Variants in F2RL2 observed in about 807,000 individuals in gnomAD.
The protein encoded by F2RL2 is proteinase-activated receptor 3.
F2RL2 carries 4 observed loss-of-function variants against 4.3 expected under a neutral mutation model. That is an observed-to-expected ratio of 0.93 (90% CI 0.46 to 2.12). F2RL2 has a LOEUF of 2.12. Ranked by LOEUF, F2RL2 falls within the 30% of genes most tolerant of loss-of-function variation. The probability of loss-of-function intolerance (pLI) is 0.02; values close to 1 mark genes in which losing one functional copy is unlikely to be tolerated. For missense variants in F2RL2, 408 were observed against 449.3 expected (o/e 0.91, Z 0.83); for synonymous variants, 166 against 170.9 (o/e 0.97, Z 0.22).
At position 76,617,252 on chromosome 5, in the gene F2RL2, C is replaced by A. The variant is rs968600230; in HGVS notation, c.*330G>T. 16 of 200,000 alleles carry A rather than the reference C, an allele frequency of 8.0e-5. No homozygotes were observed. Among genetic ancestry groups the A allele is most frequent in the African/African-American group, 3.3e-4 (14 of 43,050 alleles). The allele number at this position is 200,000 out of a possible 1,614,324, so 12.4% of individuals were successfully genotyped here. A position where few individuals can be genotyped will look rare whatever the true frequency, so the allele number is the denominator to read the frequency against. Reference sequence around the variant, plus strand: ...TTGAGGTCAGGAGTTCAAGACCAGCCTGGTCAACATGGTGAAACCCCGTCT... The same window carrying A: ...TTGAGGTCAGGAGTTCAAGACCAGCATGGTCAACATGGTGAAACCCCGTCT... On this transcript the variant is annotated 3_prime_UTR_variant, in exon 2 of 2. Coordinates refer to ENST00000296641, the MANE Select transcript of F2RL2 (RefSeq NM_004101.4).
chr5:76,620,434 G>C (rs184319978), intron 1 of F2RL2, among the ~76,000 whole-genome samples: 126 of 152,296 alleles, frequency 8.3e-4, no homozygotes, highest in African/African-American at 3.0e-3. Flanking sequence ...TTCTACTCTA[G>C]ATGACTTGGA....
chr5:76,622,317 T>C (rs1749778218), intron 1 of F2RL2, among the ~76,000 whole-genome samples: 1 of 152,222 alleles, frequency 6.6e-6, no homozygotes, highest in Admixed American at 6.5e-5. Flanking sequence ...AAATCCCACA[T>C]GTGCTTACTG....
chr5:76,618,072 A>G lies in F2RL2; in HGVS notation c.635T>C (p.Val212Ala), dbSNP rs1283049815. ...RGLPKHTYAL[V>A]TCGLVWATVF... ...TGTTGCCCACACCAGTCCACATGTT[A>G]CCAAGGCATAGGTGTGCTTGGGCAG... The change falls in exon 2 of 2, where the codon GTA becomes GCA. Residue 212 changes from valine to alanine, a missense_variant. Val to Ala is a moderately conservative substitution (Grantham distance 64, BLOSUM62 0). Coordinates refer to ENST00000296641, the MANE Select transcript of F2RL2 (RefSeq NM_004101.4). 2.5e-6 allele frequency: 4 copies of G among 1,614,038 alleles called. No homozygotes were observed. The African/African-American group carries it at 4.0e-5, about 16-fold the overall frequency.
chr5:76,618,628 T>C lies in F2RL2; in HGVS notation c.79A>G (p.Thr27Ala). 1 of 1,611,222 alleles carries C rather than the reference T, an allele frequency of 6.2e-7. No individual in the cohort carries two copies. The highest frequency in any genetic ancestry group is 1.7e-4 in the Middle Eastern group (1 of 6,054). Residue 27 changes from threonine (T) to alanine (A), a missense_variant, in exon 2 of 2, where the codon ACA becomes GCA. By Grantham distance (58) the Thr-to-Ala change is moderately conservative. Transcript: ENST00000296641. Reference sequence around the variant, plus strand: ...AAGGTTGGCTTTGCCAAGTTGTTTGTATCATTTTCCATGCCTGTAATTGAA... The same window carrying C: ...AAGGTTGGCTTTGCCAAGTTGTTTGCATCATTTTCCATGCCTGTAATTGAA... ...TFCQSGMEND[T>A]NNLAKPTLPI...
rs899350679 is a variant in F2RL2, at chr5:76,615,600, C to T, written c.*1982G>A. On this transcript the variant is annotated 3_prime_UTR_variant, in exon 2 of 2. Coordinates refer to ENST00000296641, the MANE Select transcript of F2RL2 (RefSeq NM_004101.4). ...CTTTTATGCTTAAAGTTTCCTCAGC[C>T]CCATTTATATTCACTACTATCATTC... 27 of 152,076 alleles carry T rather than the reference C, an allele frequency of 1.8e-4. No individual in the cohort carries two copies. Among genetic ancestry groups the T allele is most frequent in the Admixed American group, 1.5e-3 (23 of 15,274 alleles). 9.4% of individuals were successfully genotyped at this position (152,076 alleles called of 1,614,324 possible). A position where few individuals can be genotyped will look rare whatever the true frequency, so the allele number is the denominator to read the frequency against.
Position 76,617,061 on chromosome 5 carries a change from A to G in F2RL2, c.*521T>C, listed in dbSNP as rs897644207. 3.9e-5 allele frequency: 6 copies of G among 153,452 alleles called. No individual in the cohort carries two copies. Among genetic ancestry groups the G allele is most frequent in the South Asian group, 2.0e-4 (1 of 4,882 alleles). The allele number at this position is 153,452 out of a possible 1,614,324, so 9.5% of individuals were successfully genotyped here. A position where few individuals can be genotyped will look rare whatever the true frequency, so the allele number is the denominator to read the frequency against. ...GTGATTTAAAGAGCTTGAAGTAGCA[A>G]TAAGGCAAATGGAAATGTCATTTTC... On this transcript the variant is annotated 3_prime_UTR_variant, in exon 2 of 2. Coordinates refer to ENST00000296641, the MANE Select transcript of F2RL2 (RefSeq NM_004101.4).
In F2RL2 at chr5:76,616,975, G is replaced by A. The variant is rs1226851787; in HGVS notation, c.*607C>T. 2.6e-5 allele frequency: 4 copies of A among 152,360 alleles called. No individual in the cohort carries two copies. Among genetic ancestry groups the A allele is most frequent in the Non-Finnish European group, 4.4e-5 (3 of 68,226 alleles). 9.4% of individuals were successfully genotyped at this position (152,360 alleles called of 1,614,324 possible). On this transcript the variant is annotated 3_prime_UTR_variant, in exon 2 of 2. Coordinates refer to ENST00000296641, the MANE Select transcript of F2RL2 (RefSeq NM_004101.4). ...AGCATGAGAGTCAAAAGAGACCAAA[G>A]AATAAAAAATGATGTCAAATGTCAA... is the stretch of plus-strand genomic sequence containing the variant.
At chr5:76,622,511 TACAG>T (rs1749798381) in intron 1 of F2RL2, among the ~76,000 whole-genome samples, 1 of 152,198 alleles carries the variant, frequency 6.6e-6, no homozygotes, top group African/African-American at 2.4e-5. Context: ...GAGTAACAGG[TACAG>T]ACCTATCCCA....
At chr5:76,620,368 T>G (rs1749522535) in intron 1 of F2RL2, among the ~76,000 whole-genome samples, 1 of 58,628 alleles carries the variant, frequency 1.7e-5, no homozygotes, top group South Asian at 4.2e-4. Flanking sequence ...GGGACTTGGT[T>G]CTGATTGGCT....
rs1182857626 is a variant in F2RL2 at position 76,616,158 on chromosome 5, T to C, written c.*1424A>G. On this transcript the variant is annotated 3_prime_UTR_variant, in exon 2 of 2. Transcript: ENST00000296641. ...AATTTAAATATAAATGAACTATATA[T>C]AAATGCCATAATAAAAATATACGAA... The C allele has an allele frequency of 6.6e-6, 1 of 152,416 alleles. No homozygotes were observed. Among genetic ancestry groups the C allele is most frequent in the East Asian group, 1.9e-4 (1 of 5,198 alleles). The allele number at this position is 152,416 out of a possible 1,614,324, so 9.4% of individuals were successfully genotyped here. A position where few individuals can be genotyped will look rare whatever the true frequency, so the allele number is the denominator to read the frequency against.
At chr5:76,622,713 CTTA>C (rs1438220295) in intron 1 of F2RL2, among the ~76,000 whole-genome samples, 2 of 152,142 alleles carry the variant, frequency 1.3e-5, no homozygotes, top group Non-Finnish European at 2.9e-5. Context: ...GAAATACTGA[CTTA>C]TTAGCATTGC....
At position 76,618,037 on chromosome 5, in the gene F2RL2, A is replaced by G. The variant is rs1749171443; in HGVS notation, c.670T>C (p.Tyr224His). 3 of 1,614,192 alleles carry G rather than the reference A, an allele frequency of 1.9e-6. No homozygotes were observed. The highest frequency in any genetic ancestry group is 2.5e-6 in the Non-Finnish European group (3 of 1,180,038). The change falls in exon 2 of 2, where the codon TAT becomes CAT. Residue 224 changes from tyrosine (Y) to histidine (H), a missense_variant. Transcript: ENST00000296641. ...TTCAGTATGAAAAATGGCAGCATAT[A>G]TAAGAAAACTGTTGCCCACACCAGT... ...CGLVWATVFL[Y>H]MLPFFILKQE...
rs1268027126 is a variant in F2RL2, at chr5:76,617,593, G to A, written c.1114C>T (p.Leu372Phe). 2 of 1,609,738 alleles carry A rather than the reference G, an allele frequency of 1.2e-6. No homozygotes were observed. The highest frequency in any genetic ancestry group is 8.5e-7 in the Non-Finnish European group (1 of 1,177,812). The change falls in exon 2 of 2, where the codon CTT becomes TTT. Residue 372 changes from leucine to phenylalanine, a missense_variant. Leu to Phe is a conservative substitution (Grantham distance 22, BLOSUM62 0). Coordinates refer to ENST00000296641, the MANE Select transcript of F2RL2 (RefSeq NM_004101.4). ...SKTRNHSTAYLTK is the reference protein window; with the variant it reads ...SKTRNHSTAYFTK ...CTAAGATCATTTCACTATTTTGTAA[G>A]GTAAGCAGTGGAGTGATTTCTGGTT... is the stretch of plus-strand genomic sequence containing the variant.
rs767335456 is a variant in F2RL2 at position 76,617,585 on chromosome 5, T to C, written c.1122A>G (p.Lys374=). Residue 374 remains lysine (K), a synonymous_variant, in exon 2 of 2, where the codon AAA becomes AAG. Coordinates refer to ENST00000296641, the MANE Select transcript of F2RL2 (RefSeq NM_004101.4). ...CTTGTTCTCTAAGATCATTTCACTA[T>C]TTTGTAAGGTAAGCAGTGGAGTGAT... ...TRNHSTAYLT[K] is the part of the protein sequence containing the mutation. 1 of 1,604,676 alleles carries C rather than the reference T, an allele frequency of 6.2e-7. No individual in the cohort carries two copies. Among genetic ancestry groups the C allele is most frequent in the Non-Finnish European group, 8.5e-7 (1 of 1,175,344 alleles).
rs929735134 is a variant in F2RL2, at chr5:76,617,362, T to C, written c.*220A>G. On this transcript the variant is annotated 3_prime_UTR_variant, in exon 2 of 2. Transcript: ENST00000296641. ...GGAGGCTGACCTGGGAGGCAGAGGTTGCAATGAGCCAAGATAGTGCCACTG... is the reference window on the plus strand; with the variant it reads ...GGAGGCTGACCTGGGAGGCAGAGGTCGCAATGAGCCAAGATAGTGCCACTG... The C allele has an allele frequency of 9.0e-6, 4 of 445,662 alleles. No individual in the cohort carries two copies. The highest frequency in any genetic ancestry group is 1.6e-5 in the Non-Finnish European group (4 of 250,162). The allele number at this position is 445,662 out of a possible 1,614,324, so 27.6% of individuals were successfully genotyped here.
rs1561518620 is a variant in F2RL2, at chr5:76,619,514, C to CCTTTTTTT, written c.65-873_65-872insAAAAAAAG. On this transcript the variant is annotated intron_variant, in intron 1 of 1. Coordinates refer to ENST00000296641, the MANE Select transcript of F2RL2 (RefSeq NM_004101.4). ...CAGATCTAACTTAGTTAAGGATCTT[C>CCTTTTTTT]TTTTTTTTTTTTTTTTTTTTTTGAG... 4.8e-5 allele frequency among the ~76,000 whole-genome samples: 5 copies of CCTTTTTTT among 104,266 alleles called. 1 individual carries two copies. The highest frequency in any genetic ancestry group is 1.9e-5 in the Non-Finnish European group (1 of 52,746). 68.4% of individuals were successfully genotyped at this position (104,266 alleles called of 152,430 possible).
Position 76,618,342 on chromosome 5 carries a change from C to T in F2RL2, c.365G>A (p.Arg122Lys). The T allele has an allele frequency of 6.2e-7, 1 of 1,614,138 alleles. No homozygotes were observed. The change falls in exon 2 of 2, where the codon AGG (arginine) becomes AAG (lysine). Residue 122 changes from arginine to lysine, a missense_variant. By Grantham distance (26) the Arg-to-Lys change is conservative. Transcript: ENST00000296641. ...TACAGTGGTACAGATGGATCTGGTC[C>T]TGAAGAAAAGCATCCACAGGGTCAC... Reference protein sequence around the residue: ...NAVTLWMLFFRTRSICTTVFY... With the variant: ...NAVTLWMLFFKTRSICTTVFY...
In F2RL2 at chr5:76,618,010, G is replaced by A. The variant is rs758355350; in HGVS notation, c.697C>T (p.Gln233Ter). 6.2e-7 allele frequency: 1 copy of A among 1,614,138 alleles called. No individual in the cohort carries two copies. Among genetic ancestry groups the A allele is most frequent in the South Asian group, 1.1e-5 (1 of 91,086 alleles). The change falls in exon 2 of 2, where the codon CAG becomes TAG. Residue 233 changes from glutamine (Q) to a stop codon, truncating the protein, a stop_gained. Coordinates refer to ENST00000296641, the MANE Select transcript of F2RL2 (RefSeq NM_004101.4). LOFTEE classifies it low-confidence loss of function (END_TRUNC). ...LYMLPFFILK[Q>*]EYYLVQPDIT... is the part of the protein sequence containing the mutation. ...TCTGGCTGAACAAGATAATATTCCT[G>A]CTTCAGTATGAAAAATGGCAGCATA...
rs2069687 is a variant in F2RL2, at chr5:76,617,167, C to G, written c.*415G>C. 1,183 of 159,386 alleles carry G rather than the reference C, an allele frequency of 7.4e-3. 14 individuals carry two copies. Among genetic ancestry groups the G allele is most frequent in the African/African-American group, 0.026 (1,091 of 41,660 alleles). The allele number at this position is 159,386 out of a possible 1,614,324, so 9.9% of individuals were successfully genotyped here. A position where few individuals can be genotyped will look rare whatever the true frequency, so the allele number is the denominator to read the frequency against. ...TGTTTTTAAAAATTACTAATGCTGG[C>G]TGGCTCAGTGGCTCACGCCTGTAAT... On this transcript the variant is annotated 3_prime_UTR_variant, in exon 2 of 2. Coordinates refer to ENST00000296641, the MANE Select transcript of F2RL2 (RefSeq NM_004101.4).
Sources: gnomAD v4.1 joint callset for allele counts (sites outside exome capture counted in the v4.1 genomes callset) on GRCh38, gnomAD v4.1.1 for gene constraint, MANE v1.5 for transcripts, NCBI Gene and HGNC (gene_info 2026-07-23, HGNC 2026-07-21) for gene names.